SLCO1A2: variants seen among roughly 807,000 people sequenced by gnomAD.
The protein encoded by SLCO1A2 is OATP-1.
A neutral mutation model predicts 69.0 loss-of-function variants in SLCO1A2; 67 were observed. The ratio of observed to expected loss-of-function variants is 0.97; its 90% confidence interval spans 0.80 to 1.19. The LOEUF is 1.19. SLCO1A2 is among the 50% of genes most tolerant of loss of function. The pLI, the probability that SLCO1A2 is intolerant of heterozygous loss-of-function variation, is 0.00. For synonymous variants in SLCO1A2, 260 were observed against 265.9 expected, an observed-to-expected ratio of 0.98 and a Z score of 0.22; for missense variants, 787 against 793.7, an observed-to-expected ratio of 0.99 and a Z score of 0.10.
intron 2 of SLCO1A2, among the ~76,000 whole-genome samples, chr12:21,344,963 A>G (rs1304530072): frequency 1.3e-5 from 2 of 152,026 alleles, no homozygotes; most frequent in African/African-American, 4.8e-5. Flanking sequence ...AAAATCTCCT[A>G]TTCCATATTT....
intron 12 of SLCO1A2, among the ~76,000 whole-genome samples, chr12:21,281,904 A>C (rs1944863106): frequency 1.3e-5 from 2 of 152,188 alleles, no homozygotes; most frequent in South Asian, 2.1e-4. Context: ...AAACCTGAAC[A>C]GATCAATAAA....
At chr12:21,289,186 G>C (rs1946436627) in intron 12 of SLCO1A2, among the ~76,000 whole-genome samples, 1 of 121,140 alleles carries the variant, frequency 8.3e-6, no homozygotes, top group South Asian at 2.8e-4. Flanking sequence ...GTACCATTCT[G>C]TGTGTGTGTG....
intron 2 of SLCO1A2, among the ~76,000 whole-genome samples, chr12:21,343,997 C>A (rs1403723872): frequency 6.6e-6 from 1 of 152,058 alleles, no homozygotes; most frequent in Non-Finnish European, 1.5e-5. Flanking sequence ...CCAACATATT[C>A]CTTTTGCCTG....
At chr12:21,336,707 CATT>C (rs1288852257), upstream of SLCO1A2, among the ~76,000 whole-genome samples, 1 of 151,972 alleles carries the variant, frequency 6.6e-6, no homozygotes, top group African/African-American at 2.4e-5. Context: ...ATATCATAGT[CATT>C]GTTGTCCATC....
chr12:21,404,717 A>G (rs1224461195), intron 1 of SLCO1A2, among the ~76,000 whole-genome samples: 1 of 152,202 alleles, frequency 6.6e-6, no homozygotes, highest in Non-Finnish European at 1.5e-5. Flanking sequence ...ATATCTTTAT[A>G]ACAGAATGAT....
At chr12:21,338,157 A>G (rs946306840), upstream of SLCO1A2, among the ~76,000 whole-genome samples, 1 of 151,990 alleles carries the variant, frequency 6.6e-6, no homozygotes, top group African/African-American at 2.4e-5. Flanking sequence ...TGAGTAGATA[A>G]TCATGTGGCT....
At chr12:21,333,526 C>G (rs900338781) in intron 2 of SLCO1A2, among the ~76,000 whole-genome samples, 1 of 152,062 alleles carries the variant, frequency 6.6e-6, no homozygotes, top group African/African-American at 2.4e-5. Flanking sequence ...TGCTATTAAG[C>G]AATTGCCTCT....
intron 14 of SLCO1A2, among the ~76,000 whole-genome samples, chr12:21,271,672 T>C (rs945894367): frequency 8.2e-6 from 1 of 121,372 alleles, no homozygotes. Flanking sequence ...TATAAACATA[T>C]ATACCTATGT....
chr12:21,318,994 A>C, intron 2 of SLCO1A2, 71 bp from the exon 3 acceptor site: 11 of 1,195,834 alleles, frequency 9.2e-6, no homozygotes, highest in Non-Finnish European at 1.3e-5. Context: ...TGTTGACAAA[A>C]TGCCTTCCAC....
chr12:21,347,702 A>AGGAAGGAAGGAAGGAAGGAAGGAAG, intron 2 of SLCO1A2, among the ~76,000 whole-genome samples: 1 of 148,202 alleles, frequency 6.7e-6, no homozygotes, highest in African/African-American at 2.6e-5. Context: ...GGAAGGAAGA[A>AGGAAGGAAGGAAGGAAGGAAGGAAG]GGAAAAAAGG....
chr12:21,338,461 G>A (rs748487875), upstream of SLCO1A2, among the ~76,000 whole-genome samples: 28 of 151,638 alleles, frequency 1.8e-4, no homozygotes, highest in African/African-American at 6.3e-4. Flanking sequence ...CCTTACTCCC[G>A]ATGTTTCCTC....
chr12:21,311,411 A>C (rs1250789711), intron 4 of SLCO1A2, among the ~76,000 whole-genome samples: 2 of 152,056 alleles, frequency 1.3e-5, no homozygotes, highest in Non-Finnish European at 2.9e-5. Context: ...GATCCATCAG[A>C]AGAATCACTA....
upstream of SLCO1A2, among the ~76,000 whole-genome samples, chr12:21,400,180 G>GA (rs1019338612): frequency 6.6e-6 from 1 of 151,796 alleles, no homozygotes; most frequent in South Asian, 2.1e-4. Context: ...AAATTTACAA[G>GA]AAAAAAACAA....
At chr12:21,318,655 G>T in intron 3 of SLCO1A2, 127 bp downstream of exon 3, 1 of 713,228 alleles carries the variant, frequency 1.4e-6, no homozygotes, top group Non-Finnish European at 2.2e-6. Flanking sequence ...TAATCAGTTA[G>T]TTTTAGAAAA....
chr12:21,312,090 GA>G (rs1950290682), intron 4 of SLCO1A2, among the ~76,000 whole-genome samples: 1 of 151,290 alleles, frequency 6.6e-6, no homozygotes. Flanking sequence ...GGAGGAGGAG[GA>G]AGGAGAAGAA....
At chr12:21,274,855 A>G (rs946566519) in intron 13 of SLCO1A2, 3 of 913,958 alleles carry the variant, frequency 3.3e-6, no homozygotes, top group African/African-American at 1.7e-5. Flanking sequence ...ATTTTCTTAA[A>G]TGTTTTGGGC....
intron 2 of SLCO1A2, among the ~76,000 whole-genome samples, chr12:21,341,866 C>T (rs1953079952): frequency 6.6e-6 from 1 of 151,996 alleles, no homozygotes; most frequent in Non-Finnish European, 1.5e-5. Context: ...CAGATTTCTA[C>T]TTTGGGACGA....
intron 1 of SLCO1A2, among the ~76,000 whole-genome samples, chr12:21,409,962 A>T (rs1941881204): frequency 6.6e-6 from 1 of 152,160 alleles, no homozygotes; most frequent in African/African-American, 2.4e-5. Flanking sequence ...AAAATGTGGA[A>T]AGTAAGCTCT....
chr12:21,295,833 C>A, intron 9 of SLCO1A2, 41 bp from the exon 10 acceptor site: 1 of 1,111,716 alleles, frequency 9.0e-7, no homozygotes. Flanking sequence ...AATGACTTAC[C>A]AAAGGAACAA....
Sources: allele counts gnomAD v4.1 joint callset (sites outside exome capture counted in the v4.1 genomes callset), GRCh38; gene constraint gnomAD v4.1.1; transcripts MANE v1.5; gene names NCBI Gene and HGNC (gene_info 2026-07-23, HGNC 2026-07-21).